The following TSHZ3 variants were observed in gnomAD, a reference collection of about 807,000 sequenced individuals.
TSHZ3 encodes the protein teashirt zinc finger homeobox 3, also known as teashirt homolog 3.
A neutral mutation model predicts 64.5 loss-of-function variants in TSHZ3; 10 were observed. The observed-to-expected ratio is 0.16, with a 90% CI of 0.10 to 0.26. The LOEUF (loss-of-function observed/expected upper bound fraction) is 0.26. Ranked by LOEUF, TSHZ3 falls within the 10% of genes least tolerant of loss-of-function variation. TSHZ3 has a pLI of 1.00. For missense variants in TSHZ3, 1,242 were observed against 1,421.7 expected (o/e 0.87, Z 2.03); for synonymous variants, 608 against 593.1 (o/e 1.03, Z -0.36).
At chr19:31,205,649 C>T (rs1233141486) in intron 4 of TSHZ3, among the ~76,000 whole-genome samples, 1 of 152,224 alleles carries the variant, frequency 6.6e-6, no homozygotes, top group Admixed American at 6.5e-5. Flanking sequence ...GTTTCCAGTC[C>T]TTCACTGCCA....
intron 4 of TSHZ3, among the ~76,000 whole-genome samples, chr19:31,213,722 T>A (rs757535266): frequency 6.6e-6 from 1 of 151,958 alleles, no homozygotes; most frequent in Non-Finnish European, 1.5e-5. Context: ...TGAAATAAAG[T>A]CTATTTAAAA....
chr19:31,279,357 T>C lies in TSHZ3; in HGVS notation c.436A>G (p.Asn146Asp), dbSNP rs1435461174. Residue 146 changes from asparagine (N) to aspartate (D), a missense_variant, in exon 2 of 2, where the codon AAC becomes GAC. By Grantham distance (23) the Asn-to-Asp change is conservative. Transcript: ENST00000240587. This position sits in a 1 kb window ranked among gnomAD's most constrained non-coding sequence, Gnocchi z 6.4. ...LNLHQPSSEK[N>D]NGSSSSSSSS... ...CTGCTGCTGCTGCTGCTGCCGTTGT[T>C]CTTCTCCGAGGAGGGCTGGTGCAGG... 29 of 1,614,048 alleles carry C rather than the reference T, an allele frequency of 1.8e-5. No homozygotes were observed. The highest frequency in any genetic ancestry group is 2.4e-5 in the Non-Finnish European group (28 of 1,180,022).
At chr19:31,183,697 G>A (rs1974760383) in intron 5 of TSHZ3, among the ~76,000 whole-genome samples, 1 of 152,082 alleles carries the variant, frequency 6.6e-6, no homozygotes, top group Non-Finnish European at 1.5e-5. Flanking sequence ...AGGGAGAGGT[G>A]AGAGGTCAGC....
chr19:31,158,358 A>C (rs1289969792), intron 5 of TSHZ3, among the ~76,000 whole-genome samples: 1 of 152,236 alleles, frequency 6.6e-6, no homozygotes, highest in African/African-American at 2.4e-5. Context: ...GGATTAGTCT[A>C]CTATTGCAGC....
chr19:31,166,116 ACT>A (rs1441094041), intron 5 of TSHZ3, among the ~76,000 whole-genome samples: 2 of 152,124 alleles, frequency 1.3e-5, no homozygotes, highest in Non-Finnish European at 2.9e-5. Flanking sequence ...AGCGTTCAGC[ACT>A]CTGACTGCCT....
At chr19:31,220,072 G>A (rs1427554037) in intron 4 of TSHZ3, among the ~76,000 whole-genome samples, 1 of 152,056 alleles carries the variant, frequency 6.6e-6, no homozygotes, top group African/African-American at 2.4e-5. Flanking sequence ...ATGGATGGTG[G>A]AGAAAATCCT....
Position 31,278,308 on chromosome 19 carries a change from C to A in TSHZ3, c.1485G>T (p.Glu495Asp), listed in dbSNP as rs1326217249. 1.2e-6 allele frequency: 2 copies of A among 1,614,048 alleles called. No individual in the cohort carries two copies. The highest frequency in any genetic ancestry group is 1.7e-6 in the Non-Finnish European group (2 of 1,180,032). ...PKQKDKPGEE[E>D]EKCDISSKYH... The stretch of plus-strand genomic sequence containing the variant: ...ATTTGGAAGAGATGTCACACTTCTC[C>A]TCTTCTTCGCCAGGCTTGTCTTTTT... Residue 495 changes from glutamate to aspartate, a missense_variant, in exon 2 of 2, where the codon GAG (glutamate) becomes GAT (aspartate). This residue lies in a region of TSHZ3 where 555 missense variants were observed against 704.0 expected (regional missense o/e 0.79). Transcript: ENST00000240587. This position sits in a 1 kb window ranked among gnomAD's most constrained non-coding sequence, Gnocchi z 4.7.
chr19:31,268,245 T>C (rs998930341), intron 1 of TSHZ3, among the ~76,000 whole-genome samples: 2 of 152,180 alleles, frequency 1.3e-5, no homozygotes, highest in African/African-American at 4.8e-5. Flanking sequence ...CTTCATAAAT[T>C]ACCCAGTCTT....
intron 1 of TSHZ3, among the ~76,000 whole-genome samples, chr19:31,325,352 T>C (rs756058961): frequency 6.6e-6 from 1 of 152,216 alleles, no homozygotes; most frequent in East Asian, 1.9e-4. Flanking sequence ...GCTGTGATCC[T>C]ATGAATTTAC....
At chr19:31,336,729 G>A (rs1052601139) in intron 1 of TSHZ3, among the ~76,000 whole-genome samples, 12 of 152,034 alleles carry the variant, frequency 7.9e-5, no homozygotes, top group Non-Finnish European at 1.2e-4. Context: ...GGGCACCAGT[G>A]GATACCTGAA....
intron 1 of TSHZ3, among the ~76,000 whole-genome samples, chr19:31,296,668 T>A (rs1976667740): frequency 6.6e-6 from 1 of 152,182 alleles, no homozygotes; most frequent in African/African-American, 2.4e-5. Context: ...TATAAAGGAA[T>A]TTTTATTTGT....
chr19:31,296,981 G>A, intron 1 of TSHZ3, among the ~76,000 whole-genome samples: 1 of 152,330 alleles, frequency 6.6e-6, no homozygotes, highest in African/African-American at 2.4e-5. Context: ...CAGAGACATA[G>A]GCAAACTATG....
chr19:31,151,609 T>C (rs1195102290), exon 7 of TSHZ3, among the ~76,000 whole-genome samples: 2 of 152,184 alleles, frequency 1.3e-5, no homozygotes, highest in Admixed American at 1.3e-4. Flanking sequence ...CAAGTCTGGA[T>C]CCCAGCATCC....
In TSHZ3 at chr19:31,297,622, G is replaced by A. The variant is rs557699788; in HGVS notation, c.41-17870C>T. ...TGGGACTACAGGTGCACACCACCAC[G>A]CCTAGCTGATTTTTAATATTTTTTT... On this transcript the variant is annotated intron_variant, in intron 1 of 1. Coordinates refer to ENST00000240587, the MANE Select transcript of TSHZ3 (RefSeq NM_020856.4). Among the ~76,000 whole-genome samples, 9 of 152,168 alleles carry A rather than the reference G, an allele frequency of 5.9e-5. No individual in the cohort carries two copies. In the East Asian group the frequency reaches 1.5e-3, roughly 26 times the overall value.
At chr19:31,155,828 C>A (rs1357202151) in intron 6 of TSHZ3, among the ~76,000 whole-genome samples, 1 of 152,212 alleles carries the variant, frequency 6.6e-6, no homozygotes, top group Non-Finnish European at 1.5e-5. Flanking sequence ...TTCCAGGACA[C>A]CGATCTAATG....
At chr19:31,250,431 C>G (rs1417682491) in intron 1 of TSHZ3, among the ~76,000 whole-genome samples, 1 of 152,198 alleles carries the variant, frequency 6.6e-6, no homozygotes, top group Non-Finnish European at 1.5e-5. Context: ...CTGCTGTCAG[C>G]TCTATCCACA....
rs75002027 is a variant in TSHZ3 at position 31,327,386 on chromosome 19, T to C, written c.40+21794A>G. On this transcript the variant is annotated intron_variant, in intron 1 of 1. Coordinates refer to ENST00000240587, the MANE Select transcript of TSHZ3 (RefSeq NM_020856.4). ...GATTTTAAAAATTGAGGTAACTGAA[T>C]ATGTGGAGTTATGTCAACATGTCAG... 4.5e-3 allele frequency among the ~76,000 whole-genome samples: 689 copies of C among 152,372 alleles called. 4 individuals carry two copies. The highest frequency in any genetic ancestry group is 0.016 in the African/African-American group (655 of 41,590).
intron 1 of TSHZ3, among the ~76,000 whole-genome samples, chr19:31,287,105 GA>G (rs1282737459): frequency 1.3e-5 from 2 of 152,150 alleles, no homozygotes; most frequent in African/African-American, 4.8e-5. Context: ...TGTTGGCTGG[GA>G]CCTGCACTCT....
chr19:31,264,754 G>A (rs969532419), intron 1 of TSHZ3, among the ~76,000 whole-genome samples: 10 of 150,634 alleles, frequency 6.6e-5, no homozygotes, highest in African/African-American at 2.0e-4. Flanking sequence ...CAAACAAATC[G>A]GCAGGTCATA....
Sources: gnomAD v4.1 joint callset for allele counts (sites outside exome capture counted in the v4.1 genomes callset) on GRCh38, gnomAD v4.1.1 for gene constraint, gnomAD v4.1.1 regional missense constraint, Gnocchi (gnomAD v3.1) non-coding constraint, MANE v1.5 for transcripts, NCBI Gene and HGNC (gene_info 2026-07-23, HGNC 2026-07-21) for gene names.